The following SBF2 variants were observed in gnomAD, a reference collection of about 807,000 sequenced individuals.
SBF2 encodes SET binding factor 2, also known as myotubularin-related protein 13.
Under a neutral mutation model 225.2 loss-of-function variants are expected in SBF2, and 112 were observed. The ratio of observed to expected loss-of-function variants is 0.50; its 90% confidence interval spans 0.43 to 0.58. The LOEUF (loss-of-function observed/expected upper bound fraction) is 0.58. Among genes scored for constraint, SBF2 ranks in the 20% least tolerant of loss-of-function variants. The pLI is 0.00. For synonymous variants in SBF2, 763 were observed against 773.3 expected, an observed-to-expected ratio of 0.99 and a Z score of 0.22; for missense variants, 1,996 against 2,206.2, an observed-to-expected ratio of 0.90 and a Z score of 1.91.
intron 8 of SBF2, among the ~76,000 whole-genome samples, chr11:9,998,972 T>C (rs1424012517): frequency 6.6e-6 from 1 of 152,204 alleles, no homozygotes; most frequent in Non-Finnish European, 1.5e-5. Context: ...AGTTTAGTAA[T>C]ATTCTAAAAA....
At chr11:10,228,335 C>T (rs1958671031) in intron 1 of SBF2, among the ~76,000 whole-genome samples, 1 of 152,132 alleles carries the variant, frequency 6.6e-6, no homozygotes, top group South Asian at 2.1e-4. Flanking sequence ...CCTGATTGCC[C>T]TGGCCAGAAC....
intron 16 of SBF2, among the ~76,000 whole-genome samples, chr11:9,896,594 C>T (rs1013682617): frequency 6.6e-6 from 1 of 152,034 alleles, no homozygotes; most frequent in Admixed American, 6.6e-5. Flanking sequence ...GAGTTCGAGA[C>T]CAGCCTGGCC....
intron 13 of SBF2, among the ~76,000 whole-genome samples, chr11:9,976,427 C>T (rs34509215): frequency 0.014 from 2,090 of 152,138 alleles, 24 homozygotes; most frequent in Middle Eastern, 0.037. Context: ...TTTCCTTTAA[C>T]TTTTTCTAAA....
At chr11:10,269,897 G>T (rs1289189010) in intron 1 of SBF2, among the ~76,000 whole-genome samples, 1 of 152,064 alleles carries the variant, frequency 6.6e-6, no homozygotes, top group African/African-American at 2.4e-5. Flanking sequence ...AACTTGCTGG[G>T]ATTACAGGAG....
intron 16 of SBF2, chr11:9,958,753 G>C: frequency 2.2e-6 from 1 of 448,996 alleles, no homozygotes; most frequent in East Asian, 5.3e-5. Flanking sequence ...TTTTTGTACT[G>C]GAAGGGCTCA....
At chr11:9,787,510 C>A in intron 36 of SBF2, 124 bp downstream of exon 36, 1 of 777,576 alleles carries the variant, frequency 1.3e-6, no homozygotes, top group East Asian at 2.6e-5. Context: ...TGACCCCTCC[C>A]CTTTCCACCC....
intron 2 of SBF2, among the ~76,000 whole-genome samples, chr11:10,080,819 A>G (rs1951336699): frequency 6.6e-6 from 1 of 152,150 alleles, no homozygotes; most frequent in African/African-American, 2.4e-5. Flanking sequence ...AGCTATACTT[A>G]TATCAGACAA....
upstream of SBF2, chr11:10,294,293 C>T: frequency 5.6e-6 from 2 of 358,274 alleles, no homozygotes; most frequent in Non-Finnish European, 9.9e-6. Context: ...CAAGCCCGGG[C>T]GGCGAGCCCA....
chr11:9,961,482 A>G (rs1378168596), intron 16 of SBF2: 1 of 153,194 alleles, frequency 6.5e-6, no homozygotes, highest in Non-Finnish European at 1.5e-5. Flanking sequence ...TTGTTTCTGA[A>G]AGATCATACA....
intron 13 of SBF2, among the ~76,000 whole-genome samples, chr11:9,973,714 A>G (rs898938848): frequency 5.9e-5 from 9 of 152,248 alleles, no homozygotes; most frequent in Middle Eastern, 3.4e-3. Context: ...AAGTGAGAAT[A>G]TGCCTAGGGG....
rs1947480669 is a variant in SBF2, at chr11:9,992,457, T to C, written c.1254A>G (p.Ser418=). Residue 418 remains serine (S), a synonymous_variant, in exon 12 of 40, where the codon TCA becomes TCG. Transcript: ENST00000256190. ...AAGATCTATAAGGAGGACCTCTTTC[T>C]GAAACAAAACCTGCAAATGCCATTC... The part of the protein sequence containing the change: ...LSGMAFAGFV[S]ERGPPYRSCD... 2 of 1,613,380 alleles carry C rather than the reference T, an allele frequency of 1.2e-6. No individual in the cohort carries two copies. Among genetic ancestry groups the C allele is most frequent in the Non-Finnish European group, 1.7e-6 (2 of 1,179,528 alleles).
chr11:9,847,119 C>T lies in SBF2; in HGVS notation c.2807-36G>A, dbSNP rs369826276. The T allele has an allele frequency of 2.5e-6, 4 of 1,612,928 alleles. No homozygotes were observed. The African/African-American group carries it at 5.3e-5, about 22-fold the overall frequency. On this transcript the variant is annotated intron_variant, in intron 22 of 39. Coordinates refer to ENST00000256190, the MANE Select transcript of SBF2 (RefSeq NM_030962.4). ...ACAGGACACAGCTTCAGCAACAACA[C>T]TTTATAGCTCACTTTTAGAGTGTCT...
intron 1 of SBF2, among the ~76,000 whole-genome samples, chr11:10,210,299 C>T (rs1456790198): frequency 6.6e-6 from 1 of 151,150 alleles, no homozygotes; most frequent in Non-Finnish European, 1.5e-5. Context: ...CAGAGCAAGA[C>T]CCCATGCTCC....
chr11:9,846,235 T>A (rs1856539161), intron 23 of SBF2, among the ~76,000 whole-genome samples: 2 of 152,162 alleles, frequency 1.3e-5, no homozygotes, highest in African/African-American at 4.8e-5. Context: ...TGAGAGAAGG[T>A]CTGGAGCCTA....
At chr11:10,001,085 T>A in intron 7 of SBF2, 63 bp from the exon 8 acceptor site, 1 of 852,298 alleles carries the variant, frequency 1.2e-6, no homozygotes, top group Non-Finnish European at 2.0e-6. Flanking sequence ...TCTTCTTTCA[T>A]CTTTATGCTG....
intron 10 of SBF2, 30 bp downstream of exon 10, chr11:9,993,891 A>G: frequency 6.8e-7 from 1 of 1,475,064 alleles, no homozygotes; most frequent in South Asian, 1.1e-5. Context: ...TCTCTTTAAC[A>G]GCATTAAATT....
chr11:10,121,424 T>A (rs2135054564), intron 2 of SBF2, among the ~76,000 whole-genome samples: 1 of 152,328 alleles, frequency 6.6e-6, no homozygotes, highest in South Asian at 2.1e-4. Flanking sequence ...TTTTTATTTC[T>A]CCCAGGGACA....
At chr11:10,056,241 T>C (rs1027906499) in intron 2 of SBF2, among the ~76,000 whole-genome samples, 11 of 152,216 alleles carry the variant, frequency 7.2e-5, no homozygotes, top group Non-Finnish European at 1.5e-4. Flanking sequence ...TTTGGTTCCA[T>C]ATAAATTTTA....
chr11:10,041,360 C>A (rs550211422), intron 3 of SBF2, among the ~76,000 whole-genome samples: 115 of 152,230 alleles, frequency 7.6e-4, no homozygotes, highest in Non-Finnish European at 1.4e-3. Context: ...AGTTTTCTGT[C>A]CCCATTGATA....
Sources: gnomAD v4.1 joint callset for allele counts (sites outside exome capture counted in the v4.1 genomes callset) on GRCh38, gnomAD v4.1.1 for gene constraint, MANE v1.5 for transcripts, NCBI Gene and HGNC (gene_info 2026-07-23, HGNC 2026-07-21) for gene names.